The following XYLT1 variants were observed in gnomAD, a reference collection of about 807,000 sequenced individuals.
The protein encoded by XYLT1 is xylosyltransferase 1.
Under a neutral mutation model 91.3 loss-of-function variants are expected in XYLT1, and 36 were observed. The ratio of observed to expected loss-of-function variants is 0.39; its 90% CI spans 0.30 to 0.52. The LOEUF is 0.52. Among genes scored for constraint, XYLT1 ranks in the 20% least tolerant of loss-of-function variants. XYLT1 has a pLI of 0.68. For synonymous variants in XYLT1, 588 were observed against 532.0 expected (o/e 1.11, Z -1.45); for missense variants, 1,242 against 1,284.5 (o/e 0.97, Z 0.51).
At chr16:17,235,596 C>T (rs1040226246) in intron 3 of XYLT1, among the ~76,000 whole-genome samples, 18 of 152,146 alleles carry the variant, frequency 1.2e-4, no homozygotes, top group African/African-American at 3.6e-4. Flanking sequence ...CGCTGAGTCA[C>T]GGTAGAAATT....
intron 1 of XYLT1, among the ~76,000 whole-genome samples, chr16:17,438,174 C>T (rs1450741191): frequency 6.6e-6 from 1 of 152,098 alleles, no homozygotes; most frequent in Non-Finnish European, 1.5e-5. Context: ...AGAATTTCCC[C>T]ACAGATGAGA....
rs114319487 is a variant in XYLT1 at position 17,185,946 on chromosome 16, G to T, written c.1289+12266C>A. ...AACTGGGAGGTGGAAGTTGTAATGA[G>T]CTGAGATTGTACCACACTCCAGCCT... is the stretch of plus-strand genomic sequence containing the variant. On this transcript the variant is annotated intron_variant, in intron 5 of 11. Transcript: ENST00000261381. 7.2e-3 allele frequency among the ~76,000 whole-genome samples: 1,092 copies of T among 152,178 alleles called. 8 individuals carry two copies. Among genetic ancestry groups the T allele is most frequent in the African/African-American group, 0.025 (1,041 of 41,510 alleles).
At chr16:17,165,819 A>C (rs981880691) in intron 5 of XYLT1, among the ~76,000 whole-genome samples, 8 of 150,528 alleles carry the variant, frequency 5.3e-5, no homozygotes, top group African/African-American at 2.0e-4. Flanking sequence ...ATCTTTTCAC[A>C]TGTGGGCATG....
intron 2 of XYLT1, among the ~76,000 whole-genome samples, chr16:17,263,596 G>A (rs1467018617): frequency 6.6e-6 from 1 of 151,802 alleles, no homozygotes; most frequent in African/African-American, 2.4e-5. Context: ...GTCAGAGAGA[G>A]GCGCAGTCAG....
At chr16:17,167,482 G>GTGAACGGA (rs2031719016) in intron 5 of XYLT1, among the ~76,000 whole-genome samples, 2 of 95,890 alleles carry the variant, frequency 2.1e-5, no homozygotes, top group Admixed American at 1.0e-4. Context: ...TCGTGAATGG[G>GTGAACGGA]TTCTAACCCA....
At chr16:17,462,546 G>A (rs1016541422) in intron 1 of XYLT1, among the ~76,000 whole-genome samples, 20 of 152,164 alleles carry the variant, frequency 1.3e-4, no homozygotes, top group African/African-American at 4.1e-4. Flanking sequence ...GGAAGTGTCC[G>A]CAAGATGATC....
intron 2 of XYLT1, among the ~76,000 whole-genome samples, chr16:17,282,626 G>C (rs946823716): frequency 1.3e-5 from 2 of 152,324 alleles, no homozygotes; most frequent in Admixed American, 1.3e-4. Context: ...CCCCAGCTTG[G>C]TTTTCTTTAA....
intron 9 of XYLT1, among the ~76,000 whole-genome samples, chr16:17,133,922 T>TAA (rs3053266): frequency 2.0e-5 from 3 of 152,188 alleles, no homozygotes; most frequent in Non-Finnish European, 4.4e-5. Context: ...TGAATGTTTT[T>TAA]AAAAGAGTTA....
In XYLT1 at chr16:17,350,065, G is replaced by A. The variant is rs375867021; in HGVS notation, c.402+7947C>T. On this transcript the variant is annotated intron_variant, in intron 2 of 11. Coordinates refer to ENST00000261381, the MANE Select transcript of XYLT1 (RefSeq NM_022166.4). ...ATTTTTTTGTATTTTTAGTAGAGAC[G>A]GGGTTTCACTGTGTTAGCCAAAATG... 3.9e-5 allele frequency among the ~76,000 whole-genome samples: 6 copies of A among 152,092 alleles called. No individual in the cohort carries two copies. In the South Asian group the frequency reaches 6.2e-4, roughly 16 times the overall value.
chr16:17,248,174 C>T (rs370084082), intron 3 of XYLT1, among the ~76,000 whole-genome samples: 1 of 152,158 alleles, frequency 6.6e-6, no homozygotes, highest in South Asian at 2.1e-4. Context: ...CTCATGAGAT[C>T]AGATGGTTTT....
intron 3 of XYLT1, among the ~76,000 whole-genome samples, chr16:17,211,504 T>G (rs2032755959): frequency 6.6e-6 from 1 of 152,214 alleles, no homozygotes; most frequent in Non-Finnish European, 1.5e-5. Context: ...TCTAATTTGT[T>G]GAGTACTTAA....
intron 2 of XYLT1, among the ~76,000 whole-genome samples, chr16:17,311,091 C>A (rs1187399344): frequency 2.6e-5 from 4 of 152,096 alleles, no homozygotes; most frequent in Non-Finnish European, 5.9e-5. Flanking sequence ...TGCCTTCAGC[C>A]CAGGATAATC....
intron 1 of XYLT1, among the ~76,000 whole-genome samples, chr16:17,422,839 A>C (rs2036265977): frequency 6.6e-6 from 1 of 152,110 alleles, no homozygotes; most frequent in African/African-American, 2.4e-5. Flanking sequence ...TTATTGAAAC[A>C]CAAGTTAGAT....
At chr16:17,438,672 A>G (rs1596546130) in intron 1 of XYLT1, among the ~76,000 whole-genome samples, 1 of 152,142 alleles carries the variant, frequency 6.6e-6, no homozygotes. Flanking sequence ...CATGGCTAGG[A>G]GGCTTCAGAA....
intron 6 of XYLT1, among the ~76,000 whole-genome samples, chr16:17,155,533 C>T (rs760972112): frequency 1.8e-4 from 27 of 152,334 alleles, no homozygotes; most frequent in African/African-American, 5.8e-4. Flanking sequence ...GAGCAAGCCA[C>T]GCCCAGCTCT....
At chr16:17,134,244 T>C (rs563956273) in intron 9 of XYLT1, among the ~76,000 whole-genome samples, 235 of 152,300 alleles carry the variant, frequency 1.5e-3, no homozygotes, top group Non-Finnish European at 2.6e-3. Context: ...AGTAAAATCA[T>C]TGGGTACATA....
chr16:17,330,936 A>G (rs914019147), intron 2 of XYLT1, among the ~76,000 whole-genome samples: 2 of 152,154 alleles, frequency 1.3e-5, no homozygotes, highest in African/African-American at 4.8e-5. Flanking sequence ...AATTGCTGAG[A>G]TGAGGTTCTA....
chr16:17,142,172 C>T (rs2030996787), intron 6 of XYLT1, among the ~76,000 whole-genome samples: 1 of 152,186 alleles, frequency 6.6e-6, no homozygotes, highest in African/African-American at 2.4e-5. Context: ...TACAGGCATG[C>T]ACCGCCATGT....
intron 2 of XYLT1, among the ~76,000 whole-genome samples, chr16:17,302,158 T>C (rs2034404500): frequency 6.6e-6 from 1 of 152,056 alleles, no homozygotes; most frequent in African/African-American, 2.4e-5. Flanking sequence ...TGAGCCAAGA[T>C]TGTGCCACTG....
Sources: gnomAD v4.1 joint callset for allele counts (sites outside exome capture counted in the v4.1 genomes callset) on GRCh38, gnomAD v4.1.1 for gene constraint, MANE v1.5 for transcripts, NCBI Gene and HGNC (gene_info 2026-07-23, HGNC 2026-07-21) for gene names.